Variants in MAP3K10 observed in about 807,000 individuals in gnomAD.
MAP3K10 encodes the protein MKN28 derived nonreceptor_type serine/threonine kinase.
Under a neutral mutation model 75.0 loss-of-function variants are expected in MAP3K10, and 22 were observed. The ratio of observed to expected loss-of-function variants is 0.29; its 90% CI spans 0.21 to 0.42. The LOEUF is 0.42. Among genes scored for constraint, MAP3K10 ranks in the 10% least tolerant of loss-of-function variants. The pLI is 1.00. For synonymous variants in MAP3K10, 599 were observed against 612.9 expected, an observed-to-expected ratio of 0.98 and a Z score of 0.34; for missense variants, 1,165 against 1,379.8, an observed-to-expected ratio of 0.84 and a Z score of 2.47.
rs1163096007 is a variant in MAP3K10, at chr19:40,214,075, T to C, written c.2396T>C (p.Leu799Pro). ...ACCAACCCCCTGGTGGACCTGGAGCTGGAGAGCTTCAAGAAGGACCCCCGC... is the reference window on the plus strand; with the variant it reads ...ACCAACCCCCTGGTGGACCTGGAGCCGGAGAGCTTCAAGAAGGACCCCCGC... ...PSTNPLVDLE[L>P]ESFKKDPRQS... Residue 799 changes from leucine to proline, a missense_variant, in exon 9 of 10, where the codon CTG becomes CCG. Around this residue, in one of 2 missense-constraint regions of MAP3K10, gnomAD observed 590 missense variants for 586.6 expected, o/e 1.01. Transcript: ENST00000253055. The C allele has an allele frequency of 6.9e-7, 1 of 1,445,772 alleles. No individual in the cohort carries two copies. Among genetic ancestry groups the C allele is most frequent in the Non-Finnish European group, 9.2e-7 (1 of 1,091,678 alleles). 89.6% of individuals were successfully genotyped at this position (1,445,772 alleles called of 1,614,324 possible). A position where few individuals can be genotyped will look rare whatever the true frequency, so the allele number is the denominator to read the frequency against.
chr19:40,211,305 G>A (rs767786740), intron 6 of MAP3K10, among the ~76,000 whole-genome samples: 52 of 140,400 alleles, frequency 3.7e-4, no homozygotes, highest in Admixed American at 6.2e-4. Context: ...ATAAGAGTCT[G>A]GATTTTCCTT....
rs1198278801 is a variant in MAP3K10 at position 40,213,154 on chromosome 19, C to G, written c.1803C>G (p.Pro601=). The G allele has an allele frequency of 1.3e-6, 2 of 1,595,908 alleles. No homozygotes were observed. Among genetic ancestry groups the G allele is most frequent in the South Asian group, 1.1e-5 (1 of 87,874 alleles). Residue 601 remains proline (P), a synonymous_variant, in exon 8 of 10, where the codon CCC becomes CCG. Coordinates refer to ENST00000253055, the MANE Select transcript of MAP3K10 (RefSeq NM_002446.4). This position sits in a 1 kb window ranked among gnomAD's most constrained non-coding sequence, Gnocchi z 5.7. ...TGGGCAAGTCCCCCAAACACACACCCATCGCCCCTGGCTTTGCCAGCCTCA... is the reference window on the plus strand; with the variant it reads ...TGGGCAAGTCCCCCAAACACACACCGATCGCCCCTGGCTTTGCCAGCCTCA... The part of the protein sequence containing the change: ...PNLGKSPKHT[P]IAPGFASLNE...
chr19:40,206,518 G>C, intron 5 of MAP3K10: 1 of 181,312 alleles, frequency 5.5e-6, no homozygotes, highest in Non-Finnish European at 1.1e-5. Flanking sequence ...CGAGGCTGCA[G>C]TGAGCTGTAA....
At chr19:40,200,743 C>G (rs1050971702) in intron 2 of MAP3K10, among the ~76,000 whole-genome samples, 1 of 151,346 alleles carries the variant, frequency 6.6e-6, no homozygotes. Flanking sequence ...CTCAGCCTCC[C>G]GAGTAGCTGA....
Position 40,210,893 on chromosome 19 carries a change from T to C in MAP3K10, c.1552+1674T>C, listed in dbSNP as rs557215493. 3.3e-5 allele frequency among the ~76,000 whole-genome samples: 5 copies of C among 152,296 alleles called. No individual in the cohort carries two copies. In the South Asian group the frequency reaches 8.3e-4, roughly 25 times the overall value. On this transcript the variant is annotated intron_variant, in intron 6 of 9. Coordinates refer to ENST00000253055, the MANE Select transcript of MAP3K10 (RefSeq NM_002446.4). ...GTGGATTGGATGGTGCCCACCCACA[T>C]TGGCGAGGATGATCTCTCTTTACTC... is the stretch of plus-strand genomic sequence containing the variant.
intron 2 of MAP3K10, among the ~76,000 whole-genome samples, chr19:40,199,227 A>G (rs963428587): frequency 6.6e-6 from 1 of 152,252 alleles, no homozygotes; most frequent in Non-Finnish European, 1.5e-5. Context: ...TTCTAGGGAT[A>G]TAGCAGAGAA....
intron 2 of MAP3K10, among the ~76,000 whole-genome samples, chr19:40,201,988 A>C (rs187526785): frequency 9.7e-4 from 144 of 148,802 alleles, no homozygotes; most frequent in Non-Finnish European, 1.1e-3. Flanking sequence ...CCCAGGCTCC[A>C]GGTTTTATGT....
chr19:40,215,406 A>C lies in MAP3K10; in HGVS notation c.*114A>C. The C allele has an allele frequency of 1.1e-6, 1 of 894,890 alleles. No homozygotes were observed. The highest frequency in any genetic ancestry group is 1.6e-6 in the Non-Finnish European group (1 of 606,734). 55.4% of individuals were successfully genotyped at this position (894,890 alleles called of 1,614,324 possible). A position where few individuals can be genotyped will look rare whatever the true frequency, so the allele number is the denominator to read the frequency against. ...CCTGGGCAGGATGTTCACTCTATTTATTGGGGAAGGAGGGAGGGGGGGGAC... is the reference window on the plus strand; with the variant it reads ...CCTGGGCAGGATGTTCACTCTATTTCTTGGGGAAGGAGGGAGGGGGGGGAC... On this transcript the variant is annotated 3_prime_UTR_variant, in exon 10 of 10. Transcript: ENST00000253055.
In MAP3K10 at chr19:40,192,191, G is replaced by A. The variant is rs780108839; in HGVS notation, c.160G>A (p.Gly54Ser). 6.2e-7 allele frequency: 1 copy of A among 1,608,724 alleles called. No homozygotes were observed. The highest frequency in any genetic ancestry group is 1.7e-5 in the Admixed American group (1 of 59,612). Residue 54 changes from glycine to serine, a missense_variant, in exon 1 of 10, where the codon GGC becomes AGC. Physicochemically the swap from Gly to Ser is moderately conservative, Grantham distance 56. This residue lies in a region of MAP3K10 where 575 missense variants were observed against 793.2 expected (regional missense o/e 0.72). Coordinates refer to ENST00000253055, the MANE Select transcript of MAP3K10 (RefSeq NM_002446.4). This position sits in a 1 kb window ranked among gnomAD's most constrained non-coding sequence, Gnocchi z 7.1. ...GCTTTCCCAAGACTGTGCGGTGTCC[G>A]GCGACGAGGGCTGGTGGACCGGGCA... Reference protein sequence around the residue: ...QVLSQDCAVSGDEGWWTGQLP... With the variant: ...QVLSQDCAVSSDEGWWTGQLP...
rs1158601106 is a variant in MAP3K10, at chr19:40,192,064, G to A, written c.33G>A (p.Glu11=). The part of the protein sequence containing the change: MEEEEGAVAK[E]WGTTPAGPVW... ...AGGAGGAGGGGGCGGTGGCCAAGGAGTGGGGCACGACCCCCGCGGGGCCCG... is the reference window on the plus strand; with the variant it reads ...AGGAGGAGGGGGCGGTGGCCAAGGAATGGGGCACGACCCCCGCGGGGCCCG... Residue 11 remains glutamate, a synonymous_variant, in exon 1 of 10, where the codon GAG becomes GAA. Coordinates refer to ENST00000253055, the MANE Select transcript of MAP3K10 (RefSeq NM_002446.4). The surrounding 1 kb of genome is among the most constrained non-coding windows in gnomAD (Gnocchi z 7.1). The A allele has an allele frequency of 6.8e-7, 1 of 1,473,964 alleles. No homozygotes were observed. Among genetic ancestry groups the A allele is most frequent in the Non-Finnish European group, 9.0e-7 (1 of 1,114,488 alleles). 91.3% of individuals were successfully genotyped at this position (1,473,964 alleles called of 1,614,324 possible).
In MAP3K10 at chr19:40,191,885, T is replaced by C; in HGVS notation, c.-147T>C. ...CCTTTGAAAGGGTTTTTTTTCTTGCTCCTGCGGAGGGCGCCCCAGCCATGG... is the reference window on the plus strand; with the variant it reads ...CCTTTGAAAGGGTTTTTTTTCTTGCCCCTGCGGAGGGCGCCCCAGCCATGG... On this transcript the variant is annotated 5_prime_UTR_variant, in exon 1 of 10. Transcript: ENST00000253055. 2.6e-6 allele frequency: 1 copy of C among 382,082 alleles called. No individual in the cohort carries two copies. Among genetic ancestry groups the C allele is most frequent in the Non-Finnish European group, 4.6e-6 (1 of 219,148 alleles). The allele number at this position is 382,082 out of a possible 1,614,324, so 23.7% of individuals were successfully genotyped here. A position where few individuals can be genotyped will look rare whatever the true frequency, so the allele number is the denominator to read the frequency against.
intron 1 of MAP3K10, among the ~76,000 whole-genome samples, chr19:40,195,061 G>A (rs1373414445): frequency 3.3e-5 from 5 of 152,158 alleles, no homozygotes; most frequent in African/African-American, 1.2e-4. Context: ...GCCCTGAGGT[G>A]GGAGTGAGTG....
intron 6 of MAP3K10, among the ~76,000 whole-genome samples, chr19:40,209,500 C>T (rs748042611): frequency 9.2e-5 from 14 of 151,762 alleles, no homozygotes; most frequent in Admixed American, 6.6e-5. Flanking sequence ...GCAACCTCCG[C>T]CTCCTGGGTT....
At chr19:40,193,346 C>G (rs1424421547) in intron 1 of MAP3K10, among the ~76,000 whole-genome samples, 3 of 152,206 alleles carry the variant, frequency 2.0e-5, no homozygotes, top group African/African-American at 7.2e-5. Flanking sequence ...CCAAGGCAAA[C>G]TGGAAAAGAT....
Position 40,214,013 on chromosome 19 carries a change from C to CA in MAP3K10, c.2334_2335insA (p.Ser779IlefsTer73). On this transcript the variant is annotated frameshift_variant, in exon 9 of 10. Transcript: ENST00000253055. LOFTEE classifies it high-confidence loss of function. ...CACCGGCCGCGCCCTCCCCACCACC[C>CA]TCCCCGCCCGCGCCCACACCCACGC... 4 of 1,504,324 alleles carry CA rather than the reference C, an allele frequency of 2.7e-6. No individual in the cohort carries two copies. Among genetic ancestry groups the CA allele is most frequent in the Non-Finnish European group, 3.5e-6 (4 of 1,129,388 alleles). 93.2% of individuals were successfully genotyped at this position (1,504,324 alleles called of 1,614,324 possible).
rs1386980110 is a variant in MAP3K10 at position 40,214,977 on chromosome 19, T to G, written c.2550T>G (p.Arg850=). The G allele has an allele frequency of 6.4e-7, 1 of 1,555,798 alleles. No individual in the cohort carries two copies. The highest frequency in any genetic ancestry group is 1.4e-5 in the African/African-American group (1 of 74,026). ...CTGAACCTCTCTTACCAGGCCCTCGTGACCTTCTGGACTTCCCCCGCCTGC... is the reference window on the plus strand; with the variant it reads ...CTGAACCTCTCTTACCAGGCCCTCGGGACCTTCTGGACTTCCCCCGCCTGC... The part of the protein sequence containing the change: ...PEPAGHGPGP[R]DLLDFPRLPD... Residue 850 remains arginine (R), a synonymous_variant, in exon 10 of 10, where the codon CGT becomes CGG. Transcript: ENST00000253055.
intron 2 of MAP3K10, among the ~76,000 whole-genome samples, chr19:40,203,165 C>T (rs989028123): frequency 2.6e-5 from 4 of 152,066 alleles, no homozygotes; most frequent in African/African-American, 9.7e-5. Flanking sequence ...CATGGTGAAA[C>T]CCCATCTCTA....
At position 40,213,184 on chromosome 19, in the gene MAP3K10, G is replaced by A. The variant is rs1273429231; in HGVS notation, c.1833G>A (p.Glu611=). 1.0e-5 allele frequency: 16 copies of A among 1,575,426 alleles called. No homozygotes were observed. Among genetic ancestry groups the A allele is most frequent in the African/African-American group, 1.3e-5 (1 of 74,588 alleles). ...CCCCTGGCTTTGCCAGCCTCAATGA[G>A]ATGGGTAAGAGCCTGGGTTCTTGTA... ...PIAPGFASLN[E]MEEFAEAEDG... The change falls in exon 8 of 10, where the codon GAG becomes GAA. Residue 611 remains glutamate (E), a synonymous_variant. Transcript: ENST00000253055. This position sits in a 1 kb window ranked among gnomAD's most constrained non-coding sequence, Gnocchi z 5.7.
chr19:40,208,552 A>G (rs191300801), intron 5 of MAP3K10, among the ~76,000 whole-genome samples: 394 of 149,874 alleles, frequency 2.6e-3, no homozygotes, highest in Non-Finnish European at 4.5e-3. Flanking sequence ...TAAAATAAAG[A>G]GTTGGCTGGG....
Sources: gnomAD v4.1 joint callset for allele counts (sites outside exome capture counted in the v4.1 genomes callset) on GRCh38, gnomAD v4.1.1 for gene constraint, gnomAD v4.1.1 regional missense constraint, Gnocchi (gnomAD v3.1) non-coding constraint, MANE v1.5 for transcripts, NCBI Gene and HGNC (gene_info 2026-07-23, HGNC 2026-07-21) for gene names.